The following SGCD variants were observed in gnomAD, a reference collection of about 807,000 sequenced individuals.
SGCD encodes the protein sarcoglycan delta, also known as delta-sarcoglycan.
A neutral mutation model predicts 36.6 loss-of-function variants in SGCD; 18 were observed. The observed-to-expected ratio is 0.49, with a 90% CI of 0.34 to 0.73. The LOEUF (loss-of-function observed/expected upper bound fraction) is 0.73. Among genes scored for constraint, SGCD ranks in the 30% least tolerant of loss-of-function variants. The pLI is 0.01. For missense variants in SGCD, 387 were observed against 346.7 expected (o/e 1.12, Z -0.92); for synonymous variants, 133 against 130.6 (o/e 1.02, Z -0.12).
chr5:156,377,028 T>C (rs1407508082), intron 3 of SGCD, among the ~76,000 whole-genome samples: 5 of 152,030 alleles, frequency 3.3e-5, no homozygotes, highest in Non-Finnish European at 4.4e-5. Context: ...TTTCATAAGA[T>C]ATAAATATCT....
intron 7 of SGCD, among the ~76,000 whole-genome samples, chr5:156,712,566 T>C (rs1755039525): frequency 6.6e-6 from 1 of 152,212 alleles, no homozygotes; most frequent in Non-Finnish European, 1.5e-5. Context: ...AAGGTAGAGA[T>C]AAATGTATCA....
chr5:155,942,347 T>TATCTATCTATCTATCC, intron 1 of SGCD, among the ~76,000 whole-genome samples: 1 of 151,998 alleles, frequency 6.6e-6, no homozygotes, highest in Non-Finnish European at 1.5e-5. Context: ...TCTATCTATC[T>TATCTATCTATCTATCC]ATCTATCTAT....
chr5:156,645,788 GA>G (rs1362809099), intron 6 of SGCD, among the ~76,000 whole-genome samples: 1 of 152,038 alleles, frequency 6.6e-6, no homozygotes, highest in East Asian at 1.9e-4. Context: ...GTGATCAAAT[GA>G]AAAACTAGAA....
intron 1 of SGCD, among the ~76,000 whole-genome samples, chr5:156,092,861 A>G (rs1431929986): frequency 6.6e-6 from 1 of 152,170 alleles, no homozygotes; most frequent in Non-Finnish European, 1.5e-5. Context: ...AGGTTGTGAG[A>G]AAGTTTTATT....
At chr5:156,480,857 T>G (rs1222470663) in intron 3 of SGCD, among the ~76,000 whole-genome samples, 1 of 152,208 alleles carries the variant, frequency 6.6e-6, no homozygotes, top group Admixed American at 6.5e-5. Context: ...CATTAGGCAT[T>G]AACACTCTTA....
At chr5:156,565,386 G>A (rs566401178) in intron 4 of SGCD, among the ~76,000 whole-genome samples, 1 of 152,150 alleles carries the variant, frequency 6.6e-6, no homozygotes, top group Non-Finnish European at 1.5e-5. Context: ...AAACCTGCCA[G>A]CCCTAGATTA....
chr5:156,240,533 G>GGTACTGAGAAGTACAGACAAGTGTA (rs1286798221), intron 3 of SGCD, among the ~76,000 whole-genome samples: 1 of 152,122 alleles, frequency 6.6e-6, no homozygotes, highest in Non-Finnish European at 1.5e-5. Context: ...ACAGACAAGT[G>GGTACTGAGAAGTACAGACAAGTGTA]CTTCTCAAAA....
chr5:156,344,829 T>A (rs1406299231), intron 3 of SGCD, among the ~76,000 whole-genome samples, 152 bp downstream of exon 3: 1 of 152,196 alleles, frequency 6.6e-6, no homozygotes, highest in Non-Finnish European at 1.5e-5. Flanking sequence ...TCTGTTCAGA[T>A]TGAATATGGA....
intron 3 of SGCD, among the ~76,000 whole-genome samples, chr5:156,124,614 A>G (rs1581113741): frequency 6.6e-6 from 1 of 152,218 alleles, no homozygotes; most frequent in Non-Finnish European, 1.5e-5. Context: ...TTGCGTGCAT[A>G]TAAATACATC....
chr5:156,060,216 A>G (rs1760168072), intron 1 of SGCD, among the ~76,000 whole-genome samples: 1 of 146,374 alleles, frequency 6.8e-6, no homozygotes, highest in African/African-American at 2.5e-5. Context: ...AATGATCAGT[A>G]AGTGTAGAGG....
chr5:155,941,262 A>T (rs1239383401), intron 1 of SGCD, among the ~76,000 whole-genome samples: 1 of 152,224 alleles, frequency 6.6e-6, no homozygotes, highest in African/African-American at 2.4e-5. Context: ...ATTATGCCTG[A>T]TCTCCCACAC....
intron 3 of SGCD, among the ~76,000 whole-genome samples, chr5:156,479,343 G>T (rs528486562): frequency 2.6e-5 from 4 of 151,624 alleles, no homozygotes; most frequent in African/African-American, 9.7e-5. Flanking sequence ...TGATCCAGCC[G>T]CCTCGGCCTC....
At chr5:156,607,621 G>C (rs1314343102) in intron 6 of SGCD, among the ~76,000 whole-genome samples, 1 of 152,192 alleles carries the variant, frequency 6.6e-6, no homozygotes, top group East Asian at 1.9e-4. Flanking sequence ...AGAAGGAATG[G>C]TACCAGCTCC....
At chr5:156,558,088 A>AAT (rs67339181) in intron 4 of SGCD, among the ~76,000 whole-genome samples, 5,978 of 95,280 alleles carry the variant, frequency 0.063, 229 homozygotes, top group Admixed American at 0.13. Flanking sequence ...AGTAAATACA[A>AAT]ATATATATAT....
chr5:156,025,298 T>C (rs1759202747), intron 1 of SGCD, among the ~76,000 whole-genome samples: 1 of 152,170 alleles, frequency 6.6e-6, no homozygotes, highest in African/African-American at 2.4e-5. Context: ...CCCATGAGTC[T>C]CCCACTCATA....
intron 1 of SGCD, among the ~76,000 whole-genome samples, chr5:155,913,568 C>T (rs1182241321): frequency 1.3e-5 from 2 of 152,006 alleles, no homozygotes; most frequent in South Asian, 2.1e-4. Flanking sequence ...CAATTAAAAA[C>T]GTTATCATAT....
intron 1 of SGCD, among the ~76,000 whole-genome samples, chr5:156,029,674 C>T (rs143606307): frequency 1.3e-5 from 2 of 152,272 alleles, no homozygotes; most frequent in East Asian, 1.9e-4. Flanking sequence ...AGAGACCAAA[C>T]AATGATCACT....
At chr5:156,267,601 A>T (rs1766035117) in intron 3 of SGCD, among the ~76,000 whole-genome samples, 1 of 152,168 alleles carries the variant, frequency 6.6e-6, no homozygotes, top group Non-Finnish European at 1.5e-5. Flanking sequence ...ACATGTTCTG[A>T]TGCCTTCTTC....
At chr5:156,351,757 A>C (rs1769270043) in intron 3 of SGCD, among the ~76,000 whole-genome samples, 1 of 152,056 alleles carries the variant, frequency 6.6e-6, no homozygotes, top group African/African-American at 2.4e-5. Context: ...CCAATTTTAC[A>C]AGGGAGGGAG....
Sources: gnomAD v4.1 joint callset for allele counts (sites outside exome capture counted in the v4.1 genomes callset) on GRCh38, gnomAD v4.1.1 for gene constraint, MANE v1.5 for transcripts, NCBI Gene and HGNC (gene_info 2026-07-23, HGNC 2026-07-21) for gene names.